Variants in CACHD1 observed in about 807,000 individuals in gnomAD.
CACHD1 encodes the protein cache domain containing 1.
A neutral mutation model predicts 138.7 loss-of-function variants in CACHD1; 71 were observed. The ratio of observed to expected loss-of-function variants is 0.51; its 90% CI spans 0.42 to 0.62. CACHD1 has a LOEUF of 0.62. Among genes scored for constraint, CACHD1 ranks in the 20% least tolerant of loss-of-function variants. CACHD1 has a pLI of 0.00. For synonymous variants in CACHD1, 578 were observed against 591.5 expected (o/e 0.98, Z 0.33); for missense variants, 1,389 against 1,625.3 (o/e 0.85, Z 2.50).
In CACHD1 at chr1:64,629,394, G is replaced by C. The variant is rs748659363; in HGVS notation, c.557G>C (p.Trp186Ser). 3 of 1,613,916 alleles carry C rather than the reference G, an allele frequency of 1.9e-6. No individual in the cohort carries two copies. The Admixed American group carries it at 5.0e-5, about 27-fold the overall frequency. ...CTGAAATCCAACCCTGGAATTAAGT[G>C]GCAATATTTCAGTTCAGAAGAAGGA... Reference protein sequence around the residue: ...DNLKSNPGIKWQYFSSEEGIF... With the variant: ...DNLKSNPGIKSQYFSSEEGIF... Residue 186 changes from tryptophan (W) to serine (S), a missense_variant, in exon 5 of 27, where the codon TGG becomes TCG. Coordinates refer to ENST00000651257, the MANE Select transcript of CACHD1 (RefSeq NM_020925.4).
chr1:64,506,415 T>G (rs1230769032), intron 1 of CACHD1: 1 of 152,244 alleles, frequency 6.6e-6, no homozygotes, highest in African/African-American at 2.4e-5. Flanking sequence ...TATTGAATGC[T>G]CTCTAGGTGT....
chr1:64,569,992 C>T (rs113593972), intron 2 of CACHD1, among the ~76,000 whole-genome samples: 23 of 152,268 alleles, frequency 1.5e-4, no homozygotes, highest in African/African-American at 5.3e-4. Flanking sequence ...CTTCTCCAGC[C>T]CTCTCCCTAC....
chr1:64,552,729 A>G (rs1330722822), intron 2 of CACHD1, among the ~76,000 whole-genome samples: 1 of 152,138 alleles, frequency 6.6e-6, no homozygotes, highest in Non-Finnish European at 1.5e-5. Context: ...TCCTCCTGCC[A>G]TGGCCTTCCA....
At position 64,632,483 on chromosome 1, in the gene CACHD1, T is replaced by A. The variant is rs902814616; in HGVS notation, c.645-116T>A. 3 of 1,037,928 alleles carry A rather than the reference T, an allele frequency of 2.9e-6. No individual in the cohort carries two copies. The African/African-American group carries it at 4.7e-5, about 16-fold the overall frequency. The allele number at this position is 1,037,928 out of a possible 1,614,324, so 64.3% of individuals were successfully genotyped here. A position where few individuals can be genotyped will look rare whatever the true frequency, so the allele number is the denominator to read the frequency against. On this transcript the variant is annotated intron_variant, in intron 5 of 26. Transcript: ENST00000651257. ...TGTGGATTTCTCCATCCTTGTGCCATCCCTGGGAGAACACAGAGACCAACA... is the reference window on the plus strand; with the variant it reads ...TGTGGATTTCTCCATCCTTGTGCCAACCCTGGGAGAACACAGAGACCAACA...
chr1:64,617,274 G>T (rs1411686314), intron 4 of CACHD1, among the ~76,000 whole-genome samples: 1 of 151,950 alleles, frequency 6.6e-6, no homozygotes, highest in African/African-American at 2.4e-5. Flanking sequence ...CTAGGCTTGA[G>T]AACTAAATTT....
At chr1:64,502,817 AC>A (rs1301328918) in intron 1 of CACHD1, among the ~76,000 whole-genome samples, 3 of 152,142 alleles carry the variant, frequency 2.0e-5, no homozygotes, top group Non-Finnish European at 4.4e-5. Context: ...CATTTCCCAA[AC>A]CCAAGTGGCA....
intron 1 of CACHD1, among the ~76,000 whole-genome samples, chr1:64,518,196 C>T (rs752854530): frequency 2.1e-4 from 32 of 152,240 alleles, no homozygotes; most frequent in Non-Finnish European, 3.7e-4. Context: ...CTGTGCTTAA[C>T]TTCTTTCCTC....
rs563074196 is a variant in CACHD1 at position 64,576,687 on chromosome 1, A to G, written c.262-5469A>G. On this transcript the variant is annotated intron_variant, in intron 2 of 26. Transcript: ENST00000651257. ...TTTCTTCACTTGTAAACTGGGCATC[A>G]CAGTGTTCTCTTACTATCCTATAAT... Among the ~76,000 whole-genome samples the G allele has an allele frequency of 3.3e-5, 5 of 152,222 alleles. No individual in the cohort carries two copies. In the East Asian group the frequency reaches 9.7e-4, roughly 29 times the overall value.
rs190453931 is a variant in CACHD1 at position 64,533,659 on chromosome 1, G to A, written c.199-16935G>A. The stretch of plus-strand genomic sequence containing the variant: ...ACTAATTTCAGCATTTGTTTTTAAA[G>A]CATTAATTCAGAGAATACTATACAT... On this transcript the variant is annotated intron_variant, in intron 1 of 26. Transcript: ENST00000651257. Among the ~76,000 whole-genome samples, 9 of 151,840 alleles carry A rather than the reference G, an allele frequency of 5.9e-5. No homozygotes were observed. The East Asian group carries it at 1.7e-3, about 29-fold the overall frequency.
intron 2 of CACHD1, among the ~76,000 whole-genome samples, chr1:64,566,100 C>A (rs1347467506): frequency 6.6e-6 from 1 of 152,156 alleles, no homozygotes; most frequent in Non-Finnish European, 1.5e-5. Flanking sequence ...TTAATTGCAT[C>A]TCTCTTTAGT....
At chr1:64,569,426 C>T (rs1435323026) in intron 2 of CACHD1, among the ~76,000 whole-genome samples, 1 of 152,086 alleles carries the variant, frequency 6.6e-6, no homozygotes, top group East Asian at 1.9e-4. Flanking sequence ...GTTGTTTGAG[C>T]AAAACCACAG....
At chr1:64,543,439 G>A (rs958666712) in intron 1 of CACHD1, among the ~76,000 whole-genome samples, 4 of 130,906 alleles carry the variant, frequency 3.1e-5, no homozygotes, top group African/African-American at 6.8e-5. Context: ...AAATTAGCCA[G>A]CAGTGGTGAT....
In CACHD1 at chr1:64,652,161, G is replaced by T; in HGVS notation, c.1391G>T (p.Gly464Val). ...GATTTATTTTGTTTTTAACCCATAG[G>T]TTTGATAATGACTGTGAGTAAACCC... ...SLPFSDEMGD[G>V]LIMTVSKPCY... is the part of the protein sequence containing the mutation. The change falls in exon 10 of 27, where the codon GGT becomes GTT. Residue 464 changes from glycine (G) to valine (V), a missense_variant and splice_region_variant. Gly to Val is a moderately radical substitution (Grantham distance 109). Transcript: ENST00000651257. 13 of 1,605,158 alleles carry T rather than the reference G, an allele frequency of 8.1e-6. No individual in the cohort carries two copies. Among genetic ancestry groups the T allele is most frequent in the Non-Finnish European group, 1.1e-5 (13 of 1,177,172 alleles).
intron 7 of CACHD1, among the ~76,000 whole-genome samples, chr1:64,634,694 TA>T (rs902020588): frequency 1.5e-4 from 22 of 151,342 alleles, no homozygotes; most frequent in Admixed American, 2.0e-4. Context: ...GTAGAGGGAT[TA>T]AAAAAAAATT....
chr1:64,686,236 C>T (rs1650367359), intron 26 of CACHD1, among the ~76,000 whole-genome samples: 1 of 152,102 alleles, frequency 6.6e-6, no homozygotes, highest in Non-Finnish European at 1.5e-5. Flanking sequence ...CAAAAGGAAA[C>T]TCAAAAGAAT....
At position 64,615,240 on chromosome 1, in the gene CACHD1, G is replaced by T. The variant is rs1054386912; in HGVS notation, c.517+12328G>T. The stretch of plus-strand genomic sequence containing the variant: ...TCTAGATAAGAATTTCTTGTTTGTT[G>T]TAACAGGTTGGCTTTCTGAGTAAGC... On this transcript the variant is annotated intron_variant, in intron 4 of 26. Coordinates refer to ENST00000651257, the MANE Select transcript of CACHD1 (RefSeq NM_020925.4). 2.0e-5 allele frequency among the ~76,000 whole-genome samples: 3 copies of T among 152,240 alleles called. No homozygotes were observed. The East Asian group carries it at 5.8e-4, about 29-fold the overall frequency.
At chr1:64,577,979 A>G (rs1347324688) in intron 2 of CACHD1, among the ~76,000 whole-genome samples, 1 of 152,128 alleles carries the variant, frequency 6.6e-6, no homozygotes, top group Non-Finnish European at 1.5e-5. Context: ...CTGCTCTCCC[A>G]TCAACCAGTC....
intron 3 of CACHD1, among the ~76,000 whole-genome samples, chr1:64,592,073 A>G (rs1647110907): frequency 6.6e-6 from 1 of 152,224 alleles, no homozygotes; most frequent in Admixed American, 6.5e-5. Context: ...CAGAAATTGA[A>G]CAATATTATT....
At chr1:64,656,623 T>G (rs900736691) in intron 12 of CACHD1, among the ~76,000 whole-genome samples, 5 of 152,292 alleles carry the variant, frequency 3.3e-5, no homozygotes, top group Admixed American at 2.0e-4. Flanking sequence ...TAGTGGGGTT[T>G]TTTTCAACGA....
Sources: allele counts gnomAD v4.1 joint callset (sites outside exome capture counted in the v4.1 genomes callset), GRCh38; gene constraint gnomAD v4.1.1; transcripts MANE v1.5; gene names NCBI Gene and HGNC (gene_info 2026-07-23, HGNC 2026-07-21).